KATNIP: variants seen among roughly 807,000 people sequenced by gnomAD.
KATNIP encodes katanin-interacting protein.
In KATNIP, 126 loss-of-function variants were observed where a neutral mutation model predicts 174.0. The ratio of observed to expected loss-of-function variants is 0.72; its 90% CI spans 0.63 to 0.84. The LOEUF (loss-of-function observed/expected upper bound fraction) is 0.84. Ranked by LOEUF, KATNIP falls within the 40% of genes least tolerant of loss-of-function variation. The probability of loss-of-function intolerance (pLI) is 0.00; values close to 1 mark genes in which losing one functional copy is unlikely to be tolerated. For missense variants in KATNIP, 1,958 were observed against 2,109.7 expected (o/e 0.93, Z 1.41); for synonymous variants, 810 against 835.7 (o/e 0.97, Z 0.53).
intron 2 of KATNIP, among the ~76,000 whole-genome samples, chr16:27,599,557 C>T (rs1307827103): frequency 6.6e-6 from 1 of 152,158 alleles, no homozygotes; most frequent in Non-Finnish European, 1.5e-5. Context: ...CTTATAGACC[C>T]TCTCCCTTGT....
At chr16:27,669,168 C>A in intron 6 of KATNIP, 1 of 479,076 alleles carries the variant, frequency 2.1e-6, no homozygotes, top group Non-Finnish European at 2.7e-6. Flanking sequence ...CCTGATGTCA[C>A]TTTTCCTAGT....
At position 27,681,542 on chromosome 16, in the gene KATNIP, G is replaced by A. The variant is rs559511603; in HGVS notation, c.940+12G>A. ...GAGGATGTGCTCCAGTAAGAGTTCC[G>A]GGGGCCCCTGAGCAGGGGAGCAGGG... is the stretch of plus-strand genomic sequence containing the variant. On this transcript the variant is annotated intron_variant, in intron 8 of 27. Transcript: ENST00000261588. 40 of 1,613,184 alleles carry A rather than the reference G, an allele frequency of 2.5e-5. No homozygotes were observed. In the East Asian group the frequency reaches 3.1e-4, roughly 13 times the overall value.
rs751200942 is a variant in KATNIP, at chr16:27,761,518, A to G, written c.3737A>G (p.His1246Arg). The G allele has an allele frequency of 6.2e-7, 1 of 1,614,124 alleles. No individual in the cohort carries two copies. The highest frequency in any genetic ancestry group is 1.1e-5 in the South Asian group (1 of 91,082). ...GGCCAGGCGCTGCCCATCCACCTGC[A>G]CCAGATCTCTGCTTCCCCCAGAGAC... is the stretch of plus-strand genomic sequence containing the variant. ...KEGQALPIHL[H>R]QISASPRDLN... The change falls in exon 19 of 28, where the codon CAC becomes CGC. Residue 1246 changes from histidine to arginine, a missense_variant. This residue lies in a region of KATNIP where 1,557 missense variants were observed against 1,617.8 expected (regional missense o/e 0.96). Coordinates refer to ENST00000261588, the MANE Select transcript of KATNIP (RefSeq NM_015202.5).
At chr16:27,728,965 G>A (rs2080555064) in intron 14 of KATNIP, among the ~76,000 whole-genome samples, 1 of 152,230 alleles carries the variant, frequency 6.6e-6, no homozygotes, top group Admixed American at 6.5e-5. Context: ...ATCACAGATT[G>A]TCTGGAGGGT....
At chr16:27,726,324 G>A (rs1220279378) in intron 14 of KATNIP, among the ~76,000 whole-genome samples, 1 of 152,146 alleles carries the variant, frequency 6.6e-6, no homozygotes, top group Non-Finnish European at 1.5e-5. Flanking sequence ...CGCTGGTGTA[G>A]GCCACCGCTG....
Position 27,729,758 on chromosome 16 carries a change from C to T in KATNIP, c.1743+8063C>T, listed in dbSNP as rs965034324. On this transcript the variant is annotated intron_variant, in intron 14 of 27. Coordinates refer to ENST00000261588, the MANE Select transcript of KATNIP (RefSeq NM_015202.5). ...CTTCTCCACTTCCTTTTTCTGTCCG[C>T]GCCAGCTCCTGGCTCACAACTTTGA... 2.6e-5 allele frequency among the ~76,000 whole-genome samples: 4 copies of T among 152,324 alleles called. No individual in the cohort carries two copies. The South Asian group carries it at 8.3e-4, about 32-fold the overall frequency.
intron 6 of KATNIP, among the ~76,000 whole-genome samples, chr16:27,674,225 C>T (rs572401965): frequency 7.2e-5 from 11 of 152,358 alleles, no homozygotes; most frequent in African/African-American, 2.6e-4. Flanking sequence ...TATTCGTTTC[C>T]TATTTGCTGC....
chr16:27,751,890 C>T lies in KATNIP; in HGVS notation c.3518C>T (p.Pro1173Leu). 1 of 1,612,568 alleles carries T rather than the reference C, an allele frequency of 6.2e-7. No homozygotes were observed. The highest frequency in any genetic ancestry group is 8.5e-7 in the Non-Finnish European group (1 of 1,179,780). ...GCCGACGGCGAGGGGGATGAGCGGCCCTTCACCCAGGCTGGCTTGGGGGCT... is the reference window on the plus strand; with the variant it reads ...GCCGACGGCGAGGGGGATGAGCGGCTCTTCACCCAGGCTGGCTTGGGGGCT... ...STADGEGDER[P>L]FTQAGLGADE... The change falls in exon 17 of 28, where the codon CCC (proline) becomes CTC (leucine). Residue 1173 changes from proline (P) to leucine (L), a missense_variant. Coordinates refer to ENST00000261588, the MANE Select transcript of KATNIP (RefSeq NM_015202.5).
At chr16:27,615,332 T>A (rs957138863) in intron 2 of KATNIP, among the ~76,000 whole-genome samples, 2 of 150,302 alleles carry the variant, frequency 1.3e-5, no homozygotes, top group Admixed American at 1.3e-4. Flanking sequence ...GGGAATCTTT[T>A]TTATTATTAT....
chr16:27,671,999 T>C (rs1445609382), intron 6 of KATNIP, among the ~76,000 whole-genome samples: 1 of 152,132 alleles, frequency 6.6e-6, no homozygotes, highest in Non-Finnish European at 1.5e-5. Flanking sequence ...GAGGTTGCAG[T>C]GAGCCGAGAT....
At chr16:27,708,495 G>T (rs1232259749) in intron 12 of KATNIP, 2 of 494,756 alleles carry the variant, frequency 4.0e-6, no homozygotes, top group African/African-American at 1.9e-5. Context: ...AGTTACACAG[G>T]GCCTCTATTT....
intron 5 of KATNIP, among the ~76,000 whole-genome samples, chr16:27,641,099 T>C (rs1409662639): frequency 2.0e-5 from 3 of 151,338 alleles, no homozygotes; most frequent in East Asian, 1.9e-4. Flanking sequence ...GATCGCGCCA[T>C]TGCACTCCAG....
intron 5 of KATNIP, among the ~76,000 whole-genome samples, chr16:27,642,892 G>A (rs928207105): frequency 6.6e-6 from 1 of 151,404 alleles, no homozygotes; most frequent in Admixed American, 6.6e-5. Context: ...AGAGGTGTGA[G>A]CCACCACACC....
intron 4 of KATNIP, 69 bp downstream of exon 4, chr16:27,628,899 G>A (rs2076407213): frequency 6.7e-7 from 1 of 1,492,146 alleles, no homozygotes; most frequent in African/African-American, 1.4e-5. Context: ...AGGGTGCAGT[G>A]GCTCACACCT....
At chr16:27,715,275 A>G (rs1446256201) in intron 13 of KATNIP, among the ~76,000 whole-genome samples, 1 of 152,230 alleles carries the variant, frequency 6.6e-6, no homozygotes, top group African/African-American at 2.4e-5. Flanking sequence ...CATATGCCTT[A>G]TGCAAAACTA....
At chr16:27,733,255 C>T (rs1416277858) in intron 14 of KATNIP, among the ~76,000 whole-genome samples, 1 of 152,140 alleles carries the variant, frequency 6.6e-6, no homozygotes, top group African/African-American at 2.4e-5. Context: ...TGCCATTCTA[C>T]ACTGGGGCCA....
chr16:27,629,747 C>T (rs899527247), intron 4 of KATNIP, among the ~76,000 whole-genome samples: 3 of 152,212 alleles, frequency 2.0e-5, no homozygotes, highest in Admixed American at 2.0e-4. Context: ...GACATGGTGG[C>T]TCAGGCCTGT....
intron 14 of KATNIP, among the ~76,000 whole-genome samples, chr16:27,726,835 G>A (rs1279419494): frequency 6.6e-6 from 1 of 152,208 alleles, no homozygotes; most frequent in African/African-American, 2.4e-5. Context: ...GCAGGAGTTT[G>A]AGGACTGTGG....
At chr16:27,698,177 A>G in intron 8 of KATNIP, 151 bp from the exon 9 acceptor site, 1 of 825,396 alleles carries the variant, frequency 1.2e-6, no homozygotes, top group Non-Finnish European at 1.9e-6. Flanking sequence ...TGTAATCTGG[A>G]ACCGTTTTCT....
Sources: gnomAD v4.1 joint callset for allele counts (sites outside exome capture counted in the v4.1 genomes callset) on GRCh38, gnomAD v4.1.1 for gene constraint, gnomAD v4.1.1 regional missense constraint, MANE v1.5 for transcripts, NCBI Gene and HGNC (gene_info 2026-07-23, HGNC 2026-07-21) for gene names.